Variants in LRRC3B observed in about 807,000 individuals in gnomAD.
LRRC3B encodes the protein leucine rich repeat containing 3B.
LRRC3B carries 2 observed loss-of-function variants against 12.8 expected under a neutral mutation model. The ratio of observed to expected loss-of-function variants is 0.16; its 90% CI spans 0.06 to 0.49. LRRC3B has a LOEUF of 0.49. Ranked by LOEUF, LRRC3B falls within the 20% of genes least tolerant of loss-of-function variation. The pLI is 0.96. For synonymous variants in LRRC3B, 132 were observed against 122.0 expected (o/e 1.08, Z -0.54); for missense variants, 189 against 319.4 (o/e 0.59, Z 3.11).
chr3:26,629,728 G>A (rs923300976), intron 1 of LRRC3B, among the ~76,000 whole-genome samples: 2 of 152,054 alleles, frequency 1.3e-5, no homozygotes, highest in African/African-American at 2.4e-5. Flanking sequence ...TTTTTATTGG[G>A]GTGGCTAGTT....
intron 1 of LRRC3B, among the ~76,000 whole-genome samples, chr3:26,672,662 T>C (rs1241842481): frequency 6.6e-6 from 1 of 152,222 alleles, no homozygotes; most frequent in African/African-American, 2.4e-5. Flanking sequence ...TTAGCAAATG[T>C]AATCTCAGCC....
chr3:26,682,422 T>C (rs375887445), intron 1 of LRRC3B, among the ~76,000 whole-genome samples: 2 of 152,302 alleles, frequency 1.3e-5, no homozygotes, highest in Admixed American at 6.5e-5. Flanking sequence ...CCTCAAACTT[T>C]CATGCGTATA....
intron 1 of LRRC3B, among the ~76,000 whole-genome samples, chr3:26,708,238 A>C (rs949693813): frequency 4.6e-5 from 7 of 152,304 alleles, no homozygotes; most frequent in Admixed American, 4.6e-4. Flanking sequence ...GAATCTTCTA[A>C]GTCAGGCATG....
intron 1 of LRRC3B, among the ~76,000 whole-genome samples, chr3:26,661,620 C>G (rs1344685657): frequency 6.6e-6 from 1 of 152,108 alleles, no homozygotes; most frequent in Non-Finnish European, 1.5e-5. Context: ...TATAGTTACT[C>G]TAGCCAACTT....
chr3:26,709,934 C>T, exon 2 of LRRC3B: 1 of 1,614,094 alleles, frequency 6.2e-7, no homozygotes, highest in Non-Finnish European at 8.5e-7. Flanking sequence ...TAAGGACCTC[C>T]ATCAACTGAG....
chr3:26,668,750 C>T lies in LRRC3B; in HGVS notation c.-160-40763C>T, dbSNP rs1417785788. 2.0e-5 allele frequency among the ~76,000 whole-genome samples: 3 copies of T among 152,088 alleles called. No homozygotes were observed. In the East Asian group the frequency reaches 5.8e-4, roughly 29 times the overall value. Reference sequence around the variant, plus strand: ...AATACAGAAAAGCAAATAAAGCTCCCTAAACCATTTTAGCCAGCAATGAAC... The same window carrying T: ...AATACAGAAAAGCAAATAAAGCTCCTTAAACCATTTTAGCCAGCAATGAAC... On this transcript the variant is annotated intron_variant, in intron 1 of 1. Coordinates refer to ENST00000396641, the Ensembl canonical transcript of LRRC3B.
At chr3:26,710,517 T>A in exon 2 of LRRC3B, 1 of 1,440,482 alleles carries the variant, frequency 6.9e-7, no homozygotes, top group Non-Finnish European at 9.3e-7. Context: ...AAATAAGTGG[T>A]TTACTTCTCC....
intron 1 of LRRC3B, among the ~76,000 whole-genome samples, chr3:26,660,032 T>TA (rs1559358088): frequency 6.6e-6 from 1 of 152,210 alleles, no homozygotes; most frequent in Non-Finnish European, 1.5e-5. Flanking sequence ...GCTTAGAGTT[T>TA]TAATCTTCCA....
At chr3:26,646,184 T>C (rs1037450603) in intron 1 of LRRC3B, among the ~76,000 whole-genome samples, 5 of 152,204 alleles carry the variant, frequency 3.3e-5, no homozygotes, top group Non-Finnish European at 2.9e-5. Context: ...TTCTGATACA[T>C]GGTGATGAAA....
intron 1 of LRRC3B, among the ~76,000 whole-genome samples, chr3:26,640,071 A>T (rs866033072): frequency 6.6e-6 from 1 of 152,180 alleles, no homozygotes; most frequent in African/African-American, 2.4e-5. Flanking sequence ...TCACTTTTAA[A>T]GCACCTCTGC....
At chr3:26,645,272 A>G (rs1320276668) in intron 1 of LRRC3B, among the ~76,000 whole-genome samples, 2 of 152,234 alleles carry the variant, frequency 1.3e-5, no homozygotes, top group Non-Finnish European at 2.9e-5. Flanking sequence ...CCTACTAAAG[A>G]GGATGTTTAC....
At chr3:26,642,130 A>T (rs1699043147) in intron 1 of LRRC3B, among the ~76,000 whole-genome samples, 1 of 152,240 alleles carries the variant, frequency 6.6e-6, no homozygotes, top group African/African-American at 2.4e-5. Flanking sequence ...GAATTCTCAT[A>T]TCTGCTTCTA....
chr3:26,679,927 G>A (rs754677156), intron 1 of LRRC3B, among the ~76,000 whole-genome samples: 10 of 152,174 alleles, frequency 6.6e-5, no homozygotes, highest in Non-Finnish European at 1.0e-4. Flanking sequence ...CAGAGAACAC[G>A]GAATCCCTGA....
intron 1 of LRRC3B, among the ~76,000 whole-genome samples, chr3:26,678,170 T>C (rs1253905344): frequency 6.6e-6 from 1 of 152,050 alleles, no homozygotes; most frequent in Non-Finnish European, 1.5e-5. Flanking sequence ...CCAAGAGGCT[T>C]TCTTGTGAGA....
chr3:26,702,166 G>A (rs1700470924), intron 1 of LRRC3B, among the ~76,000 whole-genome samples: 1 of 152,224 alleles, frequency 6.6e-6, no homozygotes, highest in Admixed American at 6.5e-5. Flanking sequence ...AGAAGGTAAA[G>A]TGATGTATTT....
intron 1 of LRRC3B, among the ~76,000 whole-genome samples, chr3:26,691,600 T>A (rs931066810): frequency 7.9e-5 from 12 of 152,182 alleles, no homozygotes; most frequent in Admixed American, 2.0e-4. Context: ...GAAATCAGCA[T>A]CCAGGTGTCA....
chr3:26,696,309 T>C (rs1003419737), intron 1 of LRRC3B, among the ~76,000 whole-genome samples: 3 of 152,184 alleles, frequency 2.0e-5, no homozygotes, highest in African/African-American at 7.2e-5. Context: ...ATGTATGAAT[T>C]ATGCATTTTT....
chr3:26,670,313 A>AAAT (rs1389714905), intron 1 of LRRC3B, among the ~76,000 whole-genome samples: 1 of 152,200 alleles, frequency 6.6e-6, no homozygotes, highest in Non-Finnish European at 1.5e-5. Flanking sequence ...ATGTTTCCAA[A>AAAT]AATAACTGAA....
At chr3:26,675,289 A>G (rs537551761) in intron 1 of LRRC3B, among the ~76,000 whole-genome samples, 2 of 152,344 alleles carry the variant, frequency 1.3e-5, no homozygotes, top group African/African-American at 2.4e-5. Flanking sequence ...TGATACCCCA[A>G]TCAGATGAAT....
Sources: gnomAD v4.1 joint callset for allele counts (sites outside exome capture counted in the v4.1 genomes callset) on GRCh38, gnomAD v4.1.1 for gene constraint, MANE v1.5 for transcripts, NCBI Gene and HGNC (gene_info 2026-07-23, HGNC 2026-07-21) for gene names.